GPCPD1: variants seen among roughly 807,000 people sequenced by gnomAD.
The protein encoded by GPCPD1 is glycerophosphocholine phosphodiesterase GPCPD1.
In GPCPD1, 29 loss-of-function variants were observed where a neutral mutation model predicts 89.2. The ratio of observed to expected loss-of-function variants is 0.33; its 90% CI spans 0.24 to 0.44. The LOEUF is 0.44. GPCPD1 is among the 20% of genes least tolerant of loss of function. The pLI is 1.00. For missense variants in GPCPD1, 594 were observed against 808.9 expected, an observed-to-expected ratio of 0.73 and a Z score of 3.22; for synonymous variants, 258 against 266.3, an observed-to-expected ratio of 0.97 and a Z score of 0.30.
At position 5,598,836 on chromosome 20, in the gene GPCPD1, C is replaced by A; in HGVS notation, c.50-15G>T. The stretch of plus-strand genomic sequence containing the variant: ...AAAAACTTCTCCTAAAGAAACAGAA[C>A]AATCAGTCACAGAGAAACAGAACAA... On this transcript the variant is annotated splice_polypyrimidine_tract_variant and intron_variant, in intron 2 of 19. Coordinates refer to ENST00000379019, the MANE Select transcript of GPCPD1 (RefSeq NM_019593.5). 2 of 1,498,120 alleles carry A rather than the reference C, an allele frequency of 1.3e-6. No homozygotes were observed. Among genetic ancestry groups the A allele is most frequent in the Non-Finnish European group, 1.9e-6 (2 of 1,075,146 alleles). 92.8% of individuals were successfully genotyped at this position (1,498,120 alleles called of 1,614,324 possible). A position where few individuals can be genotyped will look rare whatever the true frequency, so the allele number is the denominator to read the frequency against.
chr20:5,560,263 T>C (rs1490549658), intron 16 of GPCPD1, among the ~76,000 whole-genome samples, 187 bp from the exon 17 acceptor site: 2 of 152,240 alleles, frequency 1.3e-5, no homozygotes, highest in South Asian at 4.1e-4. Context: ...TATTTAGTGA[T>C]GACACAGGTC....
intron 19 of GPCPD1, among the ~76,000 whole-genome samples, chr20:5,556,106 A>G (rs1985752618): frequency 6.6e-6 from 1 of 152,224 alleles, no homozygotes; most frequent in Admixed American, 6.5e-5. Flanking sequence ...CTGAAGGTAG[A>G]TTGTTAGCAT....
chr20:5,590,806 C>A (rs1342431008), intron 4 of GPCPD1, among the ~76,000 whole-genome samples: 1 of 152,000 alleles, frequency 6.6e-6, no homozygotes, highest in Non-Finnish European at 1.5e-5. Flanking sequence ...CAAGGGAGAT[C>A]GAGGTCAAAA....
intron 9 of GPCPD1, 53 bp downstream of exon 9, chr20:5,575,763 T>C: frequency 8.5e-7 from 1 of 1,178,904 alleles, no homozygotes; most frequent in Non-Finnish European, 1.2e-6. Context: ...AATTTGAAAC[T>C]AATTAAAATT....
chr20:5,606,542 T>C (rs756670893), intron 1 of GPCPD1, among the ~76,000 whole-genome samples: 3 of 152,230 alleles, frequency 2.0e-5, no homozygotes, highest in Non-Finnish European at 4.4e-5. Context: ...TCAAGGTAGA[T>C]AGATCTATAC....
intron 4 of GPCPD1, among the ~76,000 whole-genome samples, 187 bp downstream of exon 4, chr20:5,593,140 T>C (rs1979448928): frequency 6.6e-6 from 1 of 152,214 alleles, no homozygotes; most frequent in Admixed American, 6.5e-5. Context: ...CTTTTTAAAA[T>C]TCCATGGCAG....
Position 5,575,543 on chromosome 20 carries a change from C to A in GPCPD1, c.871G>T (p.Asp291Tyr). 1 of 1,561,878 alleles carries A rather than the reference C, an allele frequency of 6.4e-7. No individual in the cohort carries two copies. The highest frequency in any genetic ancestry group is 1.2e-5 in the South Asian group (1 of 86,670). ...SRKTIGKVRV[D>Y]YIIIKPLPGY... is the part of the protein sequence containing the mutation. ...GGTAATGGCTTAATAATTATATAGT[C>A]AACTTTCATAGGAAAAAAGAGGGAG... Residue 291 changes from aspartate (D) to tyrosine (Y), a missense_variant and splice_region_variant, in exon 10 of 20, where the codon GAC becomes TAC. Coordinates refer to ENST00000379019, the MANE Select transcript of GPCPD1 (RefSeq NM_019593.5).
chr20:5,560,178 A>C (rs779902083), intron 16 of GPCPD1, 102 bp from the exon 17 acceptor site: 4 of 684,356 alleles, frequency 5.8e-6, no homozygotes, highest in Non-Finnish European at 9.5e-6. Flanking sequence ...AACCCCTGAC[A>C]GTATCTAGTC....
chr20:5,560,052 AT>A lies in GPCPD1; in HGVS notation c.1419del (p.Leu473PhefsTer7). On this transcript the variant is annotated frameshift_variant, in exon 17 of 20. Transcript: ENST00000379019. LOFTEE classifies it high-confidence loss of function. ...QQRDGMWDGN[L>X]STYFDMNLFL... Reference sequence around the variant, plus strand: ...AACAGATTCATGTCAAAATATGTTGATAAGTTACCATCCCACATTCCATCCT... The same window carrying A: ...AACAGATTCATGTCAAAATATGTTGAAAGTTACCATCCCACATTCCATCCT... 1 of 1,578,950 alleles carries A rather than the reference AT, an allele frequency of 6.3e-7. No individual in the cohort carries two copies. Among genetic ancestry groups the A allele is most frequent in the Non-Finnish European group, 8.6e-7 (1 of 1,162,964 alleles).
rs1209515894 is a variant in GPCPD1 at position 5,584,288 on chromosome 20, T to C, written c.342A>G (p.Gly114=). 1.0e-5 allele frequency: 14 copies of C among 1,402,840 alleles called. No homozygotes were observed. The highest frequency in any genetic ancestry group is 1.2e-5 in the Non-Finnish European group (12 of 993,610). 86.9% of individuals were successfully genotyped at this position (1,402,840 alleles called of 1,614,324 possible). A position where few individuals can be genotyped will look rare whatever the true frequency, so the allele number is the denominator to read the frequency against. ...SEIIIDDGQF[G]IHNGVETLDS... ...TAAGTCAGTCTCACTTACTGTGGAT[T>C]CCAAATTGTCCATCGTCAATAATAA... Residue 114 remains glycine, a synonymous_variant, in exon 6 of 20, where the codon GGA becomes GGG. Coordinates refer to ENST00000379019, the MANE Select transcript of GPCPD1 (RefSeq NM_019593.5).
At chr20:5,603,018 G>C (rs1231013378) in intron 2 of GPCPD1, among the ~76,000 whole-genome samples, 1 of 150,388 alleles carries the variant, frequency 6.6e-6, no homozygotes, top group Non-Finnish European at 1.5e-5. Flanking sequence ...AGGGGGCTGG[G>C]CACGGTGGCT....
intron 8 of GPCPD1, among the ~76,000 whole-genome samples, 165 bp from the exon 9 acceptor site, chr20:5,576,143 G>A (rs531244075): frequency 3.3e-5 from 5 of 151,200 alleles, no homozygotes; most frequent in South Asian, 4.2e-4. Flanking sequence ...ATTTTCGGCC[G>A]GGGTCAGTGG....
chr20:5,604,964 AAC>A (rs1223664389), intron 1 of GPCPD1, among the ~76,000 whole-genome samples: 1 of 152,110 alleles, frequency 6.6e-6, no homozygotes, highest in East Asian at 1.9e-4. Context: ...AAAAAAACAA[AAC>A]ACAAAGTCTC....
At position 5,598,827 on chromosome 20, in the gene GPCPD1, G is replaced by T. The variant is rs1241686041; in HGVS notation, c.50-6C>A. 1 of 1,563,364 alleles carries T rather than the reference G, an allele frequency of 6.4e-7. No individual in the cohort carries two copies. Among genetic ancestry groups the T allele is most frequent in the Non-Finnish European group, 8.8e-7 (1 of 1,134,434 alleles). On this transcript the variant is annotated splice_region_variant and splice_polypyrimidine_tract_variant and intron_variant, in intron 2 of 19. Transcript: ENST00000379019. ...ACATATCGCAAAAACTTCTCCTAAA[G>T]AAACAGAACAATCAGTCACAGAGAA...
At chr20:5,591,695 T>C (rs1004825078) in intron 4 of GPCPD1, among the ~76,000 whole-genome samples, 2 of 152,232 alleles carry the variant, frequency 1.3e-5, no homozygotes, top group Admixed American at 1.3e-4. Flanking sequence ...TTCATAATAC[T>C]TCTATTAAAA....
chr20:5,570,085 T>G (rs755663), intron 12 of GPCPD1, 62 bp downstream of exon 12: 15,252 of 725,896 alleles, frequency 0.021, 240 homozygotes, highest in African/African-American at 0.029. Flanking sequence ...ATAAAAAAAC[T>G]TCCTAGTTTT....
At chr20:5,596,952 T>C (rs983052445) in intron 3 of GPCPD1, among the ~76,000 whole-genome samples, 1 of 152,204 alleles carries the variant, frequency 6.6e-6, no homozygotes, top group Non-Finnish European at 1.5e-5. Flanking sequence ...CTTATCCTGT[T>C]CACATCTTTT....
At chr20:5,601,995 T>G (rs1420040807) in intron 2 of GPCPD1, among the ~76,000 whole-genome samples, 1 of 152,226 alleles carries the variant, frequency 6.6e-6, no homozygotes, top group Admixed American at 6.5e-5. Context: ...TAAAGAAATC[T>G]GCAAACAGCA....
Position 5,587,588 on chromosome 20 carries a change from G to A in GPCPD1, c.232-1319C>T, listed in dbSNP as rs1453871928. Among the ~76,000 whole-genome samples the A allele has an allele frequency of 3.9e-5, 6 of 152,090 alleles. No homozygotes were observed. The South Asian group carries it at 1.0e-3, about 26-fold the overall frequency. On this transcript the variant is annotated intron_variant, in intron 4 of 19. Coordinates refer to ENST00000379019, the MANE Select transcript of GPCPD1 (RefSeq NM_019593.5). ...TCACCATGTTGGCCAGGCTAGTCTC[G>A]AACTCCTAACCTCGTGATCCACCCA...
Sources: gnomAD v4.1 joint callset for allele counts (sites outside exome capture counted in the v4.1 genomes callset) on GRCh38, gnomAD v4.1.1 for gene constraint, MANE v1.5 for transcripts, NCBI Gene and HGNC (gene_info 2026-07-23, HGNC 2026-07-21) for gene names.